The following ZNF208 variants were observed in gnomAD, a reference collection of about 807,000 sequenced individuals.
ZNF208 encodes zinc finger protein 95.
Under a neutral mutation model 12.1 loss-of-function variants are expected in ZNF208, and 10 were observed. That is an observed-to-expected ratio of 0.83 (90% CI 0.51 to 1.40). The LOEUF (loss-of-function observed/expected upper bound fraction) is 1.40, where lower values mean the gene tolerates loss of function less well. Among genes scored for constraint, ZNF208 ranks in the 40% most tolerant of loss-of-function variants. The pLI is 0.00. For synonymous variants in ZNF208, 497 were observed against 488.4 expected (o/e 1.02, Z -0.23); for missense variants, 1,652 against 1,485.0 (o/e 1.11, Z -1.85).
chr19:21,989,082 TTTC>T (rs200362574), intron 1 of ZNF208, among the ~76,000 whole-genome samples, 173 bp from the exon 2 acceptor site: 23,000 of 149,724 alleles, frequency 0.15, 1,843 homozygotes, highest in Middle Eastern at 0.2. Flanking sequence ...CTCTCTCTTT[TTTC>T]TTTTTTTAAT....
intron 4 of ZNF208, among the ~76,000 whole-genome samples, chr19:21,956,771 AC>A (rs1369071739): frequency 6.6e-6 from 1 of 151,984 alleles, no homozygotes; most frequent in Non-Finnish European, 1.5e-5. Flanking sequence ...GATTACCCCA[AC>A]CCCTTGCACT....
rs377638519 is a variant in ZNF208, at chr19:21,975,851, A to AAAG, written c.227-1045_227-1044insCTT. 1.5e-3 allele frequency among the ~76,000 whole-genome samples: 134 copies of AAAG among 91,866 alleles called. 23 individuals carry two copies. Among genetic ancestry groups the AAAG allele is most frequent in the African/African-American group, 5.9e-3 (130 of 21,954 alleles). 60.3% of individuals were successfully genotyped at this position (91,866 alleles called of 152,430 possible). On this transcript the variant is annotated intron_variant, in intron 3 of 3. Coordinates refer to ENST00000397126, the MANE Select transcript of ZNF208 (RefSeq NM_007153.3). ...AAAAAAAAAAAAAAAAAAAAAAAAA[A>AAAG]GCTATCAAGTGAGAATAATACCATC...
rs1970164305 is a variant in ZNF208 at position 21,966,235 on chromosome 19, G to GA, written c.*4955dup. 1 of 152,010 alleles carries GA rather than the reference G, an allele frequency of 6.6e-6. No homozygotes were observed. Among genetic ancestry groups the GA allele is most frequent in the African/African-American group, 2.4e-5 (1 of 41,378 alleles). 9.4% of individuals were successfully genotyped at this position (152,010 alleles called of 1,614,324 possible). A position where few individuals can be genotyped will look rare whatever the true frequency, so the allele number is the denominator to read the frequency against. On this transcript the variant is annotated 3_prime_UTR_variant, in exon 4 of 4. Coordinates refer to ENST00000397126, the MANE Select transcript of ZNF208 (RefSeq NM_007153.3). ...AAGTAGTGTACATCATACCTAAGCA[G>GA]ATTTTCTATGCTTGTCTCCCATCCT...
intron 1 of ZNF208, among the ~76,000 whole-genome samples, chr19:22,001,812 G>C (rs1970952341): frequency 7.1e-6 from 1 of 141,362 alleles, no homozygotes; most frequent in African/African-American, 2.6e-5. Context: ...AGAATCACTT[G>C]AACCTGGGAG....
intron 4 of ZNF208, among the ~76,000 whole-genome samples, chr19:21,950,473 T>C (rs1009017988): frequency 6.6e-6 from 1 of 150,754 alleles, no homozygotes; most frequent in Non-Finnish European, 1.5e-5. Context: ...CCCTGGAAAC[T>C]ATATGCCTAG....
Position 21,973,330 on chromosome 19 carries a change from A to T in ZNF208, c.1704T>A (p.Leu568=). 6.2e-7 allele frequency: 1 copy of T among 1,609,984 alleles called. No individual in the cohort carries two copies. Among genetic ancestry groups the T allele is most frequent in the Non-Finnish European group, 8.5e-7 (1 of 1,178,536 alleles). The change falls in exon 4 of 4, where the codon CTT becomes CTA. Residue 568 remains leucine, a synonymous_variant. Transcript: ENST00000397126. ...CAGTATGAATTTTCTTATGATAACT[A>T]AGGGTTGAGGACCACTTATAGGCTT... ...CGKAYKWSST[L]SYHKKIHTVE... is the part of the protein sequence containing the mutation.
At chr19:21,982,333 G>C (rs952023862) in intron 3 of ZNF208, among the ~76,000 whole-genome samples, 2 of 145,726 alleles carry the variant, frequency 1.4e-5, no homozygotes, top group Non-Finnish European at 3.0e-5. Flanking sequence ...ACTTCAGCCT[G>C]GGTGATAGAG....
At chr19:21,942,643 T>C (rs1357907554) in intron 4 of ZNF208, among the ~76,000 whole-genome samples, 1 of 152,156 alleles carries the variant, frequency 6.6e-6, no homozygotes, top group African/African-American at 2.4e-5. Flanking sequence ...ATGACTTTTC[T>C]TTCTTTCTTT....
At chr19:21,993,588 C>T (rs992650552) in intron 1 of ZNF208, among the ~76,000 whole-genome samples, 2 of 152,186 alleles carry the variant, frequency 1.3e-5, no homozygotes, top group Non-Finnish European at 2.9e-5. Flanking sequence ...TGGCCCCACT[C>T]TATGAAATGT....
At chr19:21,992,692 T>C (rs1313118893) in intron 1 of ZNF208, among the ~76,000 whole-genome samples, 2 of 152,212 alleles carry the variant, frequency 1.3e-5, no homozygotes, top group African/African-American at 4.8e-5. Flanking sequence ...AGATTATAAA[T>C]TCATAGTGAG....
In ZNF208 at chr19:21,968,446, T is replaced by G. The variant is rs1382588494; in HGVS notation, c.*2745A>C. On this transcript the variant is annotated 3_prime_UTR_variant, in exon 4 of 4. Transcript: ENST00000397126. Reference sequence around the variant, plus strand: ...TCTTGAATGCTTTTTCTGCCCCTACTGTTATTTTTTTTTCTTTTAATTATC... The same window carrying G: ...TCTTGAATGCTTTTTCTGCCCCTACGGTTATTTTTTTTTCTTTTAATTATC... 3 of 152,032 alleles carry G rather than the reference T, an allele frequency of 2.0e-5. No individual in the cohort carries two copies. Among genetic ancestry groups the G allele is most frequent in the Admixed American group, 6.6e-5 (1 of 15,252 alleles). The allele number at this position is 152,032 out of a possible 1,614,324, so 9.4% of individuals were successfully genotyped here. A position where few individuals can be genotyped will look rare whatever the true frequency, so the allele number is the denominator to read the frequency against.
chr19:21,986,615 A>C (rs571552653), intron 3 of ZNF208: 1 of 156,832 alleles, frequency 6.4e-6, no homozygotes, highest in African/African-American at 2.4e-5. Context: ...TCAATATTCC[A>C]GTGTTTTTTT....
At position 21,972,584 on chromosome 19, in the gene ZNF208, A is replaced by G. The variant is rs1202896855; in HGVS notation, c.2450T>C (p.Val817Ala). The change falls in exon 4 of 4, where the codon GTC (valine) becomes GCC (alanine). Residue 817 changes from valine (V) to alanine (A), a missense_variant. Coordinates refer to ENST00000397126, the MANE Select transcript of ZNF208 (RefSeq NM_007153.3). ...CEECGKTFSK[V>A]STLTTHKAIH... ...TGCCTTATGTGTAGTAAGGGTTGAG[A>G]CCTTACTAAAGGTTTTGCCACATTC... 3 of 1,612,342 alleles carry G rather than the reference A, an allele frequency of 1.9e-6. No homozygotes were observed. Among genetic ancestry groups the G allele is most frequent in the Non-Finnish European group, 2.5e-6 (3 of 1,179,622 alleles).
rs1230814827 is a variant in ZNF208, at chr19:21,970,793, A to C, written c.*398T>G. 6.9e-7 allele frequency: 1 copy of C among 1,441,542 alleles called. No homozygotes were observed. Among genetic ancestry groups the C allele is most frequent in the Non-Finnish European group, 9.7e-7 (1 of 1,028,582 alleles). 89.3% of individuals were successfully genotyped at this position (1,441,542 alleles called of 1,614,324 possible). A position where few individuals can be genotyped will look rare whatever the true frequency, so the allele number is the denominator to read the frequency against. On this transcript the variant is annotated 3_prime_UTR_variant, in exon 4 of 4. Coordinates refer to ENST00000397126, the MANE Select transcript of ZNF208 (RefSeq NM_007153.3). Reference sequence around the variant, plus strand: ...ATTTTTAGAATTTCTCTCCAGCATGAATTTTCTTATGTTTACTAAAGACTG... The same window carrying C: ...ATTTTTAGAATTTCTCTCCAGCATGCATTTTCTTATGTTTACTAAAGACTG...
At position 22,010,868 on chromosome 19, in the gene ZNF208, G is replaced by C. The variant is rs547954043; in HGVS notation, c.-74C>G. 6.4e-5 allele frequency: 102 copies of C among 1,600,710 alleles called. 1 individual carries two copies. In the South Asian group the frequency reaches 1.0e-3, roughly 16 times the overall value. ...ACCTGCAGGTCATAGGGCCACAGAG[G>C]CTGGGACTCTAGGAGCAGAGGACAC... On this transcript the variant is annotated 5_prime_UTR_variant, in exon 1 of 4. Coordinates refer to ENST00000397126, the MANE Select transcript of ZNF208 (RefSeq NM_007153.3).
At position 21,967,478 on chromosome 19, in the gene ZNF208, C is replaced by T. The variant is rs1970193757; in HGVS notation, c.*3713G>A. 1 of 152,264 alleles carries T rather than the reference C, an allele frequency of 6.6e-6. No homozygotes were observed. The highest frequency in any genetic ancestry group is 2.4e-5 in the African/African-American group (1 of 41,544). 9.4% of individuals were successfully genotyped at this position (152,264 alleles called of 1,614,324 possible). On this transcript the variant is annotated 3_prime_UTR_variant, in exon 4 of 4. Coordinates refer to ENST00000397126, the MANE Select transcript of ZNF208 (RefSeq NM_007153.3). ...TTGGCTCACTGCAACCTCCACCTCC[C>T]AGGCTCAAATGGTTCTCTTTCCTCA... is the stretch of plus-strand genomic sequence containing the variant.
In ZNF208 at chr19:21,988,828, A is replaced by G. The variant is rs1302624852; in HGVS notation, c.85T>C (p.Tyr29His). The G allele has an allele frequency of 1.2e-6, 2 of 1,614,046 alleles. No homozygotes were observed. Among genetic ancestry groups the G allele is most frequent in the African/African-American group, 1.3e-5 (1 of 74,932 alleles). Residue 29 changes from tyrosine (Y) to histidine (H), a missense_variant, in exon 2 of 4, where the codon TAT (tyrosine) becomes CAT (histidine). By Grantham distance (83) the Tyr-to-His change is moderately conservative. Around this residue, in one of 3 missense-constraint regions of ZNF208, gnomAD observed 410 missense variants for 378.2 expected, o/e 1.08. Coordinates refer to ENST00000397126, the MANE Select transcript of ZNF208 (RefSeq NM_007153.3). ...TAGTTCTCTAACATCACATTTCTAT[A>G]TAAATTCTGCTGTGCAGTGTCCAGG... ...QCLDTAQQNL[Y>H]RNVMLENYRN...
At chr19:21,983,104 A>C (rs1299037447) in intron 3 of ZNF208, among the ~76,000 whole-genome samples, 1 of 152,200 alleles carries the variant, frequency 6.6e-6, no homozygotes, top group East Asian at 1.9e-4. Flanking sequence ...AAAATTTTGC[A>C]ATCTATCCAT....
chr19:21,972,329 G>T lies in ZNF208; in HGVS notation c.2705C>A (p.Ser902Tyr). 1 of 1,613,550 alleles carries T rather than the reference G, an allele frequency of 6.2e-7. No homozygotes were observed. The highest frequency in any genetic ancestry group is 8.5e-7 in the Non-Finnish European group (1 of 1,179,900). ...AATTACCTCATGTTTAGTAAGGATG[G>T]AGAACATACTAAAACCTTTGCCACA... ...EECGKGFSMF[S>Y]ILTKHEVIHT... Residue 902 changes from serine (S) to tyrosine (Y), a missense_variant, in exon 4 of 4, where the codon TCC becomes TAC. Ser to Tyr is a moderately radical substitution (Grantham distance 144). Around this residue, in one of 3 missense-constraint regions of ZNF208, gnomAD observed 1,239 missense variants for 1,086.2 expected, o/e 1.14. Transcript: ENST00000397126.
Sources: allele counts gnomAD v4.1 joint callset (sites outside exome capture counted in the v4.1 genomes callset), GRCh38; gene constraint gnomAD v4.1.1; regional missense constraint gnomAD v4.1.1; transcripts MANE v1.5; gene names NCBI Gene and HGNC (gene_info 2026-07-23, HGNC 2026-07-21).